CDH23: variants seen among roughly 807,000 people sequenced by gnomAD.
The protein encoded by CDH23 is cadherin related 23.
CDH23 carries 189 observed loss-of-function variants against 317.1 expected under a neutral mutation model. The observed-to-expected ratio is 0.60, with a 90% confidence interval of 0.53 to 0.67. The LOEUF is 0.67. CDH23 is among the 30% of genes least tolerant of loss of function. The pLI is 0.00. For synonymous variants in CDH23, 1,839 were observed against 1,876.8 expected (o/e 0.98, Z 0.52); for missense variants, 4,401 against 4,592.4 (o/e 0.96, Z 1.20).
chr10:71,584,267 G>T (rs1448617705), intron 9 of CDH23, among the ~76,000 whole-genome samples: 1 of 150,820 alleles, frequency 6.6e-6, no homozygotes, highest in Non-Finnish European at 1.5e-5. Flanking sequence ...CTGGGGCAAG[G>T]GGTTGAGTGG....
chr10:71,531,008 T>C (rs969925965), intron 6 of CDH23, among the ~76,000 whole-genome samples: 1 of 152,226 alleles, frequency 6.6e-6, no homozygotes, highest in Non-Finnish European at 1.5e-5. Flanking sequence ...CTCGGCTCTG[T>C]GGCAAGTTCA....
intron 8 of CDH23, 80 bp downstream of exon 8, chr10:71,570,998 G>T: frequency 6.6e-7 from 1 of 1,526,214 alleles, no homozygotes; most frequent in Non-Finnish European, 9.0e-7. Flanking sequence ...GATGGGCCCT[G>T]TTAGTGGGCT....
rs567764577 is a variant in CDH23, at chr10:71,730,677, T to G, written c.3715+73T>G. On this transcript the variant is annotated intron_variant, in intron 31 of 69. Coordinates refer to ENST00000224721, the MANE Select transcript of CDH23 (RefSeq NM_022124.6). ...CTCCCCAGCTCACCCAGCCCCTCCT[T>G]CGAAACGGTCATCCCTGATGCTTCA... 1.9e-6 allele frequency: 3 copies of G among 1,581,812 alleles called. No homozygotes were observed. In the East Asian group the frequency reaches 6.9e-5, roughly 36 times the overall value.
At chr10:71,781,654 T>G (rs981250515) in intron 41 of CDH23, among the ~76,000 whole-genome samples, 1 of 152,108 alleles carries the variant, frequency 6.6e-6, no homozygotes, top group African/African-American at 2.4e-5. Context: ...GGATGAGCCT[T>G]AAGAATTTGG....
intron 3 of CDH23, among the ~76,000 whole-genome samples, chr10:71,507,979 T>C (rs1240301869): frequency 6.6e-6 from 1 of 152,204 alleles, no homozygotes; most frequent in Non-Finnish European, 1.5e-5. Flanking sequence ...ATGGGAGGGT[T>C]GGGCTCTGAA....
intron 11 of CDH23, among the ~76,000 whole-genome samples, chr10:71,643,309 G>A (rs982325467): frequency 6.6e-6 from 1 of 152,310 alleles, no homozygotes; most frequent in African/African-American, 2.4e-5. Context: ...TGGGCTCAGG[G>A]GGAGAGGGAG....
chr10:71,538,467 T>C (rs115076534), intron 6 of CDH23, among the ~76,000 whole-genome samples: 1,616 of 152,266 alleles, frequency 0.011, 31 homozygotes, highest in African/African-American at 0.036. Flanking sequence ...AATGACTTGT[T>C]CTAGGGCCCG....
At position 71,459,842 on chromosome 10, in the gene CDH23, G is replaced by A. The variant is rs558333373; in HGVS notation, c.145+13447G>A. 1.3e-3 allele frequency among the ~76,000 whole-genome samples: 193 copies of A among 152,288 alleles called. 1 individual carries two copies. The highest frequency in any genetic ancestry group is 4.5e-3 in the African/African-American group (186 of 41,564). On this transcript the variant is annotated intron_variant, in intron 3 of 69. Coordinates refer to ENST00000224721, the MANE Select transcript of CDH23 (RefSeq NM_022124.6). ...GAGGCAGCCTGTTCTTCTTCATACG[G>A]TGGCTCTCCAGGGTCTGCAGGGCTT...
Position 71,690,639 on chromosome 10 carries a change from C to T in CDH23, c.2176+55C>T, listed in dbSNP as rs1236674143. ...CCTCCACACCCTGAGGCTGACTGTC[C>T]ATACCCGGCCCCAGGACCAGCCTCT... On this transcript the variant is annotated intron_variant, in intron 20 of 69. Coordinates refer to ENST00000224721, the MANE Select transcript of CDH23 (RefSeq NM_022124.6). 4 of 1,304,286 alleles carry T rather than the reference C, an allele frequency of 3.1e-6. No individual in the cohort carries two copies. The African/African-American group carries it at 5.9e-5, about 19-fold the overall frequency. The allele number at this position is 1,304,286 out of a possible 1,614,324, so 80.8% of individuals were successfully genotyped here.
At chr10:71,411,633 T>C (rs1301615724) in intron 1 of CDH23, among the ~76,000 whole-genome samples, 2 of 152,188 alleles carry the variant, frequency 1.3e-5, no homozygotes, top group African/African-American at 4.8e-5. Flanking sequence ...AGTTCTAGCA[T>C]AATATTGAAT....
chr10:71,754,756 G>A (rs1287659942), intron 38 of CDH23, among the ~76,000 whole-genome samples: 1 of 152,198 alleles, frequency 6.6e-6, no homozygotes, highest in Admixed American at 6.5e-5. Context: ...GAGTAAGTGA[G>A]AGCATTTTTA....
intron 11 of CDH23, among the ~76,000 whole-genome samples, chr10:71,625,146 C>A (rs1477045631): frequency 1.3e-5 from 2 of 151,924 alleles, no homozygotes; most frequent in East Asian, 1.9e-4. Flanking sequence ...GACGCACCCC[C>A]ACTGGGGGCC....
intron 6 of CDH23, among the ~76,000 whole-genome samples, chr10:71,566,091 A>G (rs937849404): frequency 3.9e-5 from 6 of 152,180 alleles, no homozygotes; most frequent in Non-Finnish European, 7.4e-5. Context: ...CCTGTGTTCT[A>G]TGCAAAGGGC....
chr10:71,528,285 C>T (rs937938225), intron 6 of CDH23, among the ~76,000 whole-genome samples: 7 of 152,062 alleles, frequency 4.6e-5, no homozygotes, highest in Non-Finnish European at 1.0e-4. Context: ...ACTTGGGTCT[C>T]GGTGTTCTCT....
chr10:71,796,130 G>T, intron 48 of CDH23: 2 of 974,506 alleles, frequency 2.1e-6, no homozygotes, highest in Non-Finnish European at 2.4e-6. Context: ...AAGCCCAGCA[G>T]GGGGATCTGC....
chr10:71,738,919 C>A (rs1839656449), intron 35 of CDH23, among the ~76,000 whole-genome samples: 1 of 152,266 alleles, frequency 6.6e-6, no homozygotes, highest in Non-Finnish European at 1.5e-5. Context: ...CGGGTAACTC[C>A]TTCCCACGCA....
At chr10:71,801,846 C>A (rs1841566448) in intron 53 of CDH23, among the ~76,000 whole-genome samples, 1 of 152,210 alleles carries the variant, frequency 6.6e-6, no homozygotes, top group Admixed American at 6.5e-5. Context: ...GGGAAAAACA[C>A]AGCATTTGGG....
Position 71,617,340 on chromosome 10 carries a change from G to T in CDH23, c.1081G>T (p.Ala361Ser), listed in dbSNP as rs774524441. Residue 361 changes from alanine to serine, a missense_variant, in exon 11 of 70, where the codon GCA becomes TCA. By Grantham distance (99) the Ala-to-Ser change is moderately conservative. Around this residue, in one of 3 missense-constraint regions of CDH23, gnomAD observed 3,068 missense variants for 3,203.3 expected, o/e 0.96. Transcript: ENST00000224721. ...GTACAGCGTGGCCATCACTGAGCTG[G>T]CACAGGTCGGCTTTGCCCTTCCACT... ...SEYSVAITEL[A>S]QVGFALPLFI... The T allele has an allele frequency of 1.2e-6, 2 of 1,613,946 alleles. No homozygotes were observed. Among genetic ancestry groups the T allele is most frequent in the East Asian group, 4.5e-5 (2 of 44,888 alleles).
At chr10:71,613,968 C>T (rs958923232) in intron 9 of CDH23, among the ~76,000 whole-genome samples, 1 of 152,244 alleles carries the variant, frequency 6.6e-6, no homozygotes. Context: ...TCTATACTTT[C>T]ACACTTATTT....
Sources: allele counts gnomAD v4.1 joint callset (sites outside exome capture counted in the v4.1 genomes callset), GRCh38; gene constraint gnomAD v4.1.1; regional missense constraint gnomAD v4.1.1; transcripts MANE v1.5; gene names NCBI Gene and HGNC (gene_info 2026-07-23, HGNC 2026-07-21).